PAPPA2: variants seen among roughly 807,000 people sequenced by gnomAD.
PAPPA2 encodes pappalysin-2.
PAPPA2 carries 86 observed loss-of-function variants against 176.4 expected under a neutral mutation model. That is an observed-to-expected ratio of 0.49 (90% CI 0.41 to 0.58). The LOEUF (loss-of-function observed/expected upper bound fraction) is 0.58. Ranked by LOEUF, PAPPA2 falls within the 20% of genes least tolerant of loss-of-function variation. The probability of loss-of-function intolerance (pLI) is 0.00; values close to 1 mark genes in which losing one functional copy is unlikely to be tolerated. For missense variants in PAPPA2, 2,073 were observed against 2,256.9 expected (o/e 0.92, Z 1.65); for synonymous variants, 809 against 852.2 (o/e 0.95, Z 0.88).
chr1:176,547,061 C>T (rs903141185), intron 1 of PAPPA2, among the ~76,000 whole-genome samples: 1 of 152,144 alleles, frequency 6.6e-6, no homozygotes, highest in Non-Finnish European at 1.5e-5. Flanking sequence ...AATTAATAAC[C>T]ACAATCCTCA....
chr1:176,708,883 C>T (rs1445966789), intron 10 of PAPPA2, among the ~76,000 whole-genome samples: 1 of 151,912 alleles, frequency 6.6e-6, no homozygotes, highest in Non-Finnish European at 1.5e-5. Context: ...GAATATATAC[C>T]TAGGTGTTGT....
At chr1:176,837,680 C>T (rs1017331314) in intron 21 of PAPPA2, among the ~76,000 whole-genome samples, 6 of 152,168 alleles carry the variant, frequency 3.9e-5, no homozygotes, top group African/African-American at 1.4e-4. Flanking sequence ...CCTATGTACA[C>T]ATTGTGCAGA....
rs562393497 is a variant in PAPPA2, at chr1:176,622,053, T to C, written c.1991+26458T>C. On this transcript the variant is annotated intron_variant, in intron 3 of 22. Coordinates refer to ENST00000367662, the MANE Select transcript of PAPPA2 (RefSeq NM_020318.3). ...TCATGGTGTTCTCTGCCCAGAATGCTGAGAATTAGACCTGAATTGGGAGTT... is the reference window on the plus strand; with the variant it reads ...TCATGGTGTTCTCTGCCCAGAATGCCGAGAATTAGACCTGAATTGGGAGTT... 2.3e-4 allele frequency among the ~76,000 whole-genome samples: 35 copies of C among 152,216 alleles called. No homozygotes were observed. In the South Asian group the frequency reaches 7.3e-3, roughly 32 times the overall value.
intron 2 of PAPPA2, among the ~76,000 whole-genome samples, chr1:176,584,755 G>C (rs1031682233): frequency 6.6e-6 from 1 of 151,520 alleles, no homozygotes; most frequent in African/African-American, 2.4e-5. Context: ...ATTTTTTTGA[G>C]ATGGTGTCTT....
chr1:176,701,549 A>G (rs978437661), intron 8 of PAPPA2, among the ~76,000 whole-genome samples: 4 of 152,208 alleles, frequency 2.6e-5, no homozygotes, highest in Non-Finnish European at 4.4e-5. Context: ...CTTTTCTATT[A>G]AAATACTTAA....
intron 1 of PAPPA2, among the ~76,000 whole-genome samples, chr1:176,472,206 T>C (rs1651909984): frequency 1.3e-5 from 2 of 152,254 alleles, no homozygotes; most frequent in Admixed American, 1.3e-4. Flanking sequence ...TTGATTCTTT[T>C]ATTCAATTGT....
chr1:176,829,066 C>T (rs73050117), intron 21 of PAPPA2, among the ~76,000 whole-genome samples: 12,863 of 151,990 alleles, frequency 0.085, 584 homozygotes, highest in African/African-American at 0.11. Context: ...CTCAAAGAAA[C>T]GTAGATTAAA....
intron 1 of PAPPA2, among the ~76,000 whole-genome samples, chr1:176,515,120 C>G (rs1373320050): frequency 1.3e-5 from 2 of 152,174 alleles, no homozygotes; most frequent in Non-Finnish European, 2.9e-5. Context: ...ATATATACCT[C>G]CTAAGAGTAA....
At chr1:176,765,559 A>T in intron 14 of PAPPA2, 107 bp from the exon 15 acceptor site, 1 of 1,075,444 alleles carries the variant, frequency 9.3e-7, no homozygotes, top group South Asian at 1.5e-5. Context: ...TTTGGAGAAA[A>T]TTGTTCTCTC....
intron 14 of PAPPA2, among the ~76,000 whole-genome samples, chr1:176,749,661 C>T (rs978430667): frequency 2.0e-5 from 3 of 152,332 alleles, no homozygotes; most frequent in Middle Eastern, 3.4e-3. Flanking sequence ...TTTTTACCAT[C>T]TCCATCATTT....
chr1:176,596,627 C>T (rs1284274445), intron 3 of PAPPA2, among the ~76,000 whole-genome samples: 1 of 152,186 alleles, frequency 6.6e-6, no homozygotes, highest in African/African-American at 2.4e-5. Flanking sequence ...GTCTGTTTTT[C>T]CCCTATTTGG....
At chr1:176,721,736 A>G (rs1302618743) in intron 12 of PAPPA2, among the ~76,000 whole-genome samples, 1 of 152,108 alleles carries the variant, frequency 6.6e-6, no homozygotes, top group Non-Finnish European at 1.5e-5. Context: ...ATGATGTTCC[A>G]AGGCCTACCT....
intron 8 of PAPPA2, 69 bp downstream of exon 8, chr1:176,699,658 C>A (rs1029220710): frequency 9.9e-6 from 15 of 1,516,768 alleles, no homozygotes; most frequent in Non-Finnish European, 1.1e-5. Flanking sequence ...TTTTCCCCCA[C>A]TTTTTAATAT....
intron 3 of PAPPA2, among the ~76,000 whole-genome samples, chr1:176,629,084 A>G (rs547056735): frequency 2.0e-5 from 3 of 152,302 alleles, no homozygotes; most frequent in African/African-American, 7.2e-5. Context: ...ACTCCCTGTG[A>G]TGTTAACAGG....
intron 20 of PAPPA2, among the ~76,000 whole-genome samples, chr1:176,799,586 C>T (rs771055986): frequency 5.5e-4 from 84 of 152,266 alleles, no homozygotes; most frequent in Non-Finnish European, 1.0e-3. Context: ...TATAATCTAG[C>T]ATTTCTGAGG....
In PAPPA2 at chr1:176,688,979, A is replaced by C. The variant is rs1425598672; in HGVS notation, c.2138-1158A>C. 2.0e-5 allele frequency among the ~76,000 whole-genome samples: 3 copies of C among 152,152 alleles called. No individual in the cohort carries two copies. The East Asian group carries it at 5.8e-4, about 29-fold the overall frequency. ...ACCTGCTATACTCAGAAGACTATTG[A>C]TATAGGGAGGGCTCAGGTGCAAGAA... is the stretch of plus-strand genomic sequence containing the variant. On this transcript the variant is annotated intron_variant, in intron 4 of 22. Coordinates refer to ENST00000367662, the MANE Select transcript of PAPPA2 (RefSeq NM_020318.3).
At chr1:176,797,311 A>G (rs1665487292) in intron 20 of PAPPA2, among the ~76,000 whole-genome samples, 1 of 152,196 alleles carries the variant, frequency 6.6e-6, no homozygotes, top group Admixed American at 6.5e-5. Flanking sequence ...TTATCATTAT[A>G]GCTTTATATG....
intron 1 of PAPPA2, among the ~76,000 whole-genome samples, chr1:176,514,337 C>T (rs561239430): frequency 6.6e-6 from 1 of 152,114 alleles, no homozygotes; most frequent in Non-Finnish European, 1.5e-5. Flanking sequence ...GAGAGGGAAC[C>T]CACTAGTTAC....
At chr1:176,809,999 TG>T (rs1666078602) in intron 21 of PAPPA2, among the ~76,000 whole-genome samples, 1 of 145,422 alleles carries the variant, frequency 6.9e-6, no homozygotes, top group African/African-American at 2.6e-5. Flanking sequence ...TGTGTGTGTG[TG>T]TTACAGTTCT....
Sources: gnomAD v4.1 joint callset for allele counts (sites outside exome capture counted in the v4.1 genomes callset) on GRCh38, gnomAD v4.1.1 for gene constraint, MANE v1.5 for transcripts, NCBI Gene and HGNC (gene_info 2026-07-23, HGNC 2026-07-21) for gene names.